MALRD1: variants seen among roughly 807,000 people sequenced by gnomAD.
MALRD1 encodes the protein MAM and LDL receptor class A domain containing 1, also known as MAM and LDL-receptor class A domain-containing protein 1.
Under a neutral mutation model 242.1 loss-of-function variants are expected in MALRD1, and 247 were observed. The ratio of observed to expected loss-of-function variants is 1.02; its 90% CI spans 0.92 to 1.13. The LOEUF is 1.13. Among genes scored for constraint, MALRD1 ranks in the 50% most tolerant of loss-of-function variants. The pLI, the probability that MALRD1 is intolerant of heterozygous loss-of-function variation, is 0.00. For synonymous variants in MALRD1, 995 were observed against 866.6 expected (o/e 1.15, Z -2.60); for missense variants, 2,989 against 2,533.1 (o/e 1.18, Z -3.86).
At chr10:19,703,668 G>A (rs940606631) in intron 38 of MALRD1, among the ~76,000 whole-genome samples, 14 of 152,198 alleles carry the variant, frequency 9.2e-5, no homozygotes, top group Non-Finnish European at 7.3e-5. Flanking sequence ...GCCAAGGCGG[G>A]TGGATCACTT....
intron 33 of MALRD1, among the ~76,000 whole-genome samples, chr10:19,593,527 C>T (rs1837924440): frequency 6.6e-6 from 1 of 152,196 alleles, no homozygotes; most frequent in South Asian, 2.1e-4. Flanking sequence ...ACAAACCATT[C>T]CTGTACTGGC....
chr10:19,566,230 G>A (rs1836241310), intron 32 of MALRD1, among the ~76,000 whole-genome samples: 2 of 151,036 alleles, frequency 1.3e-5, no homozygotes, highest in African/African-American at 2.4e-5. Flanking sequence ...CCGGGTTCAC[G>A]CCATTCTTCT....
chr10:19,465,196 T>C (rs1289777280), intron 29 of MALRD1, among the ~76,000 whole-genome samples: 1 of 152,108 alleles, frequency 6.6e-6, no homozygotes, highest in Non-Finnish European at 1.5e-5. Context: ...TTAAATGCCC[T>C]TTATTTCTTT....
intron 29 of MALRD1, among the ~76,000 whole-genome samples, chr10:19,476,333 A>G (rs940709303): frequency 6.6e-5 from 10 of 152,156 alleles, no homozygotes; most frequent in African/African-American, 2.4e-4. Context: ...CCTTAGGTCA[A>G]TAAGCCATAT....
intron 29 of MALRD1, among the ~76,000 whole-genome samples, chr10:19,462,939 T>C (rs1836019125): frequency 6.6e-6 from 1 of 152,010 alleles, no homozygotes; most frequent in African/African-American, 2.4e-5. Flanking sequence ...ACATACCTGG[T>C]GTCTTTTAAA....
chr10:19,146,681 AG>A (rs1220025561), intron 11 of MALRD1, among the ~76,000 whole-genome samples: 2 of 152,224 alleles, frequency 1.3e-5, no homozygotes, highest in Non-Finnish European at 1.5e-5. Flanking sequence ...TTTTCAAAAC[AG>A]GAAGAAAAAT....
chr10:19,279,178 A>G (rs1450954617), intron 19 of MALRD1, among the ~76,000 whole-genome samples: 1 of 152,208 alleles, frequency 6.6e-6, no homozygotes, highest in African/African-American at 2.4e-5. Flanking sequence ...CATGAGGTCC[A>G]GTCACAAGGG....
At chr10:19,421,852 G>C (rs1415395481) in intron 28 of MALRD1, among the ~76,000 whole-genome samples, 4 of 152,218 alleles carry the variant, frequency 2.6e-5, no homozygotes, top group Non-Finnish European at 4.4e-5. Flanking sequence ...GACATGTTGA[G>C]AGTTTGGCTT....
intron 18 of MALRD1, among the ~76,000 whole-genome samples, chr10:19,216,037 T>C (rs1837297936): frequency 6.6e-6 from 1 of 151,748 alleles, no homozygotes; most frequent in African/African-American, 2.4e-5. Flanking sequence ...ATTAGAAAGG[T>C]AGAGTATTGA....
intron 18 of MALRD1, among the ~76,000 whole-genome samples, chr10:19,210,518 G>C (rs554477261): frequency 6.6e-6 from 1 of 152,228 alleles, no homozygotes; most frequent in South Asian, 2.1e-4. Flanking sequence ...CTTTCATCCT[G>C]TAGTCAAATT....
intron 24 of MALRD1, among the ~76,000 whole-genome samples, chr10:19,345,775 GTTCT>G (rs1844091991): frequency 7.0e-6 from 1 of 142,696 alleles, no homozygotes; most frequent in Non-Finnish European, 1.5e-5. Context: ...TTTTTTTTTA[GTTCT>G]TTCAACAGCT....
intron 36 of MALRD1, among the ~76,000 whole-genome samples, chr10:19,663,496 G>A (rs1242264768): frequency 6.6e-6 from 1 of 152,088 alleles, no homozygotes; most frequent in Non-Finnish European, 1.5e-5. Context: ...TACAAATGCA[G>A]GTGTCTTTTT....
intron 21 of MALRD1, among the ~76,000 whole-genome samples, chr10:19,315,145 TAATTTATA>T (rs1842601533): frequency 1.5e-5 from 2 of 136,266 alleles, no homozygotes; most frequent in Admixed American, 1.5e-4. Context: ...TATGTAAATA[TAATTTATA>T]GAAATATGTA....
At chr10:19,072,094 C>G (rs11008347) in intron 2 of MALRD1, among the ~76,000 whole-genome samples, 17,955 of 152,158 alleles carry the variant, frequency 0.12, 1,255 homozygotes, top group South Asian at 0.28. Flanking sequence ...ATTTTCTTAT[C>G]TGCACGTACA....
At chr10:19,064,327 A>G (rs990728620) in intron 1 of MALRD1, among the ~76,000 whole-genome samples, 2 of 152,198 alleles carry the variant, frequency 1.3e-5, no homozygotes, top group Non-Finnish European at 2.9e-5. Context: ...ATTACAGCGG[A>G]TAGTTTCAGA....
chr10:19,123,104 G>A (rs1837123637), intron 5 of MALRD1, among the ~76,000 whole-genome samples: 2 of 152,108 alleles, frequency 1.3e-5, no homozygotes, highest in Non-Finnish European at 2.9e-5. Context: ...AGGTTTAAGG[G>A]GCGCCATATC....
At chr10:19,345,787 G>A (rs543886310) in intron 24 of MALRD1, among the ~76,000 whole-genome samples, 99 of 151,080 alleles carry the variant, frequency 6.6e-4, no homozygotes, top group African/African-American at 2.3e-3. Context: ...TCTTTCAACA[G>A]CTAAAAATGA....
At chr10:19,699,226 T>A (rs905083638) in intron 38 of MALRD1, among the ~76,000 whole-genome samples, 1 of 148,068 alleles carries the variant, frequency 6.8e-6, no homozygotes, top group Non-Finnish European at 1.5e-5. Flanking sequence ...ATAATAATAA[T>A]AAAGACCATG....
At chr10:19,719,780 A>G (rs1834655596) in intron 38 of MALRD1, among the ~76,000 whole-genome samples, 1 of 152,112 alleles carries the variant, frequency 6.6e-6, no homozygotes, top group Non-Finnish European at 1.5e-5. Flanking sequence ...TTTCTCGTTA[A>G]TGTATCCTTG....
Sources: allele counts gnomAD v4.1 joint callset (sites outside exome capture counted in the v4.1 genomes callset), GRCh38; gene constraint gnomAD v4.1.1; transcripts MANE v1.5; gene names NCBI Gene and HGNC (gene_info 2026-07-23, HGNC 2026-07-21).